RALGAPA1: variants seen among roughly 807,000 people sequenced by gnomAD.
RALGAPA1 encodes the protein Ral GTPase activating protein catalytic subunit alpha 1.
Under a neutral mutation model 269.6 loss-of-function variants are expected in RALGAPA1, and 52 were observed. The observed-to-expected ratio is 0.19, with a 90% confidence interval of 0.15 to 0.24. RALGAPA1 has a LOEUF of 0.24. RALGAPA1 is among the 10% of genes least tolerant of loss of function. RALGAPA1 has a pLI of 1.00. For missense variants in RALGAPA1, 1,917 were observed against 3,013.9 expected, an observed-to-expected ratio of 0.64 and a Z score of 8.52; for synonymous variants, 817 against 1,008.3, an observed-to-expected ratio of 0.81 and a Z score of 3.60.
intron 39 of RALGAPA1, among the ~76,000 whole-genome samples, chr14:35,561,250 A>AAG (rs1440977412): frequency 6.7e-6 from 1 of 150,082 alleles, no homozygotes; most frequent in Non-Finnish European, 1.5e-5. Flanking sequence ...AAAAAAAAAA[A>AAG]AATACAGTAA....
chr14:35,752,705 G>GA (rs2141269540), intron 7 of RALGAPA1, among the ~76,000 whole-genome samples: 1 of 152,230 alleles, frequency 6.6e-6, no homozygotes, highest in Non-Finnish European at 1.5e-5. Flanking sequence ...AGAACTCTAA[G>GA]AAGGTGACGA....
At chr14:35,661,880 T>C (rs1878972336) in intron 27 of RALGAPA1, among the ~76,000 whole-genome samples, 1 of 151,558 alleles carries the variant, frequency 6.6e-6, no homozygotes, top group Non-Finnish European at 1.5e-5. Flanking sequence ...GAGAGAGAGA[T>C]TTGTAAACAA....
At chr14:35,771,212 G>T (rs936807564) in intron 3 of RALGAPA1, among the ~76,000 whole-genome samples, 1 of 151,988 alleles carries the variant, frequency 6.6e-6, no homozygotes, top group Non-Finnish European at 1.5e-5. Flanking sequence ...TGGCCAACAT[G>T]GTGAAACCCT....
At chr14:35,731,198 CAGA>C (rs1395478547) in intron 12 of RALGAPA1, among the ~76,000 whole-genome samples, 5 of 152,200 alleles carry the variant, frequency 3.3e-5, no homozygotes, top group African/African-American at 1.2e-4. Flanking sequence ...AGTACTACAT[CAGA>C]AGAACACTCT....
At chr14:35,701,556 T>A (rs547617144) in intron 16 of RALGAPA1, among the ~76,000 whole-genome samples, 1 of 152,328 alleles carries the variant, frequency 6.6e-6, no homozygotes, top group East Asian at 1.9e-4. Flanking sequence ...ACATCATGAC[T>A]TTGTATGTTG....
intron 39 of RALGAPA1, among the ~76,000 whole-genome samples, chr14:35,552,162 CA>C (rs2055077806): frequency 6.6e-6 from 1 of 152,044 alleles, no homozygotes; most frequent in Non-Finnish European, 1.5e-5. Flanking sequence ...ACAGGACTTA[CA>C]TCCCCCCCCG....
intron 26 of RALGAPA1, among the ~76,000 whole-genome samples, chr14:35,667,427 G>A (rs1409338683): frequency 6.6e-6 from 1 of 152,024 alleles, no homozygotes; most frequent in Non-Finnish European, 1.5e-5. Context: ...AAACTTAACT[G>A]TTTATCTAAT....
intron 15 of RALGAPA1, among the ~76,000 whole-genome samples, chr14:35,722,236 G>A (rs867010511): frequency 3.3e-5 from 5 of 152,196 alleles, no homozygotes; most frequent in Non-Finnish European, 7.3e-5. Flanking sequence ...CCAGGAAAAA[G>A]TAGTTTGAGT....
At chr14:35,605,730 C>G in intron 35 of RALGAPA1, 21 bp from the exon 36 acceptor site, 1 of 1,599,268 alleles carries the variant, frequency 6.3e-7, no homozygotes, top group Non-Finnish European at 8.5e-7. Context: ...AAAGATTACA[C>G]CATTAATTTA....
chr14:35,680,266 G>C (rs57327713), intron 21 of RALGAPA1, among the ~76,000 whole-genome samples: 2 of 152,034 alleles, frequency 1.3e-5, no homozygotes, highest in African/African-American at 4.8e-5. Context: ...GGAATGCAGC[G>C]GCATGATCGT....
At chr14:35,685,278 C>T (rs1331324144) in intron 19 of RALGAPA1, 133 bp from the exon 20 acceptor site, 2 of 776,746 alleles carry the variant, frequency 2.6e-6, no homozygotes, top group African/African-American at 1.8e-5. Flanking sequence ...AGAACACACT[C>T]ACCAAACAAT....
intron 37 of RALGAPA1, among the ~76,000 whole-genome samples, chr14:35,574,531 T>C (rs1321293433): frequency 1.3e-5 from 2 of 152,170 alleles, no homozygotes; most frequent in Non-Finnish European, 2.9e-5. Flanking sequence ...TCCCTTATCA[T>C]TTACATTCAA....
intron 7 of RALGAPA1, among the ~76,000 whole-genome samples, chr14:35,755,986 A>G (rs1032558029): frequency 2.0e-5 from 3 of 152,222 alleles, no homozygotes; most frequent in African/African-American, 7.2e-5. Context: ...ATGCACCTAG[A>G]AATTCAAAAG....
At chr14:35,793,249 T>TG (rs1042916659) in intron 1 of RALGAPA1, among the ~76,000 whole-genome samples, 40 of 152,084 alleles carry the variant, frequency 2.6e-4, no homozygotes, top group African/African-American at 9.2e-4. Context: ...TTTTTTTTTT[T>TG]TTTTTGAGAC....
intron 39 of RALGAPA1, 107 bp downstream of exon 39, chr14:35,570,510 T>TA (rs2057096345): frequency 5.4e-6 from 5 of 927,224 alleles, no homozygotes; most frequent in South Asian, 2.7e-5. Flanking sequence ...AAAATAATAA[T>TA]TAAAAAAACC....
In RALGAPA1 at chr14:35,587,008, T is replaced by C. The variant is rs187254947; in HGVS notation, c.7209+8626A>G. On this transcript the variant is annotated intron_variant, in intron 37 of 41. Transcript: ENST00000680220. Reference sequence around the variant, plus strand: ...AGTTAGGGAGGATTCCCTCTTTTTCTATTGATTGGAATAGTTTCAGAAGGA... The same window carrying C: ...AGTTAGGGAGGATTCCCTCTTTTTCCATTGATTGGAATAGTTTCAGAAGGA... Among the ~76,000 whole-genome samples, 7 of 152,342 alleles carry C rather than the reference T, an allele frequency of 4.6e-5. No homozygotes were observed. In the East Asian group the frequency reaches 1.2e-3, roughly 25 times the overall value.
At chr14:35,648,092 C>T (rs767374264) in intron 31 of RALGAPA1, among the ~76,000 whole-genome samples, 14 of 150,070 alleles carry the variant, frequency 9.3e-5, no homozygotes, top group African/African-American at 1.5e-4. Context: ...CTGGCCCATA[C>T]GGTGAAATCC....
chr14:35,546,293 G>A (rs913653346), intron 41 of RALGAPA1, among the ~76,000 whole-genome samples: 2 of 151,868 alleles, frequency 1.3e-5, no homozygotes, highest in East Asian at 1.9e-4. Context: ...GCACGTTACC[G>A]CTAACCAGAA....
chr14:35,627,732 G>A lies in RALGAPA1; in HGVS notation c.6215C>T (p.Thr2072Ile). 4 of 1,613,924 alleles carry A rather than the reference G, an allele frequency of 2.5e-6. No homozygotes were observed. The highest frequency in any genetic ancestry group is 2.5e-6 in the Non-Finnish European group (3 of 1,179,924). The stretch of plus-strand genomic sequence containing the variant: ...TCTGATCTGGATACAGGACACTAAG[G>A]TTGTATTATTTAACACAAAGAACTG... ...NIQFFVLNNT[T>I]LVSCIQIRSE... The change falls in exon 34 of 42, where the codon ACC (threonine) becomes ATC (isoleucine). Residue 2072 changes from threonine (T) to isoleucine (I), a missense_variant. Physicochemically the swap from Thr to Ile is moderately conservative, Grantham distance 89. Coordinates refer to ENST00000680220, the MANE Select transcript of RALGAPA1 (RefSeq NM_001346249.2).
Sources: allele counts gnomAD v4.1 joint callset (sites outside exome capture counted in the v4.1 genomes callset), GRCh38; gene constraint gnomAD v4.1.1; transcripts MANE v1.5; gene names NCBI Gene and HGNC (gene_info 2026-07-23, HGNC 2026-07-21).